Variants in NOS2 observed in about 807,000 individuals in gnomAD.
NOS2 encodes nitric oxide synthase, inducible.
In NOS2, 96 loss-of-function variants were observed where a neutral mutation model predicts 136.0. That is an observed-to-expected ratio of 0.71 (90% confidence interval 0.60 to 0.84). NOS2 has a LOEUF of 0.84. Ranked by LOEUF, NOS2 falls within the 40% of genes least tolerant of loss-of-function variation. The pLI is 0.00. For missense variants in NOS2, 1,237 were observed against 1,496.9 expected, an observed-to-expected ratio of 0.83 and a Z score of 2.87; for synonymous variants, 539 against 587.5, an observed-to-expected ratio of 0.92 and a Z score of 1.20.
chr17:27,775,730 G>A (rs1662311160), intron 11 of NOS2, among the ~76,000 whole-genome samples: 1 of 152,222 alleles, frequency 6.6e-6, no homozygotes, highest in Non-Finnish European at 1.5e-5. Context: ...GCTGCAGTGA[G>A]CCATGATTGG....
At chr17:27,777,811 G>A (rs558530693) in intron 11 of NOS2, among the ~76,000 whole-genome samples, 1 of 152,270 alleles carries the variant, frequency 6.6e-6, no homozygotes, top group South Asian at 2.1e-4. Flanking sequence ...TTGGGAGGCT[G>A]AGGCAAGCGG....
intron 2 of NOS2, among the ~76,000 whole-genome samples, chr17:27,795,364 G>A (rs1174355715): frequency 6.6e-6 from 1 of 152,168 alleles, no homozygotes; most frequent in Non-Finnish European, 1.5e-5. Context: ...GTAAAACAAG[G>A]ATAATAGTTC....
In NOS2 at chr17:27,761,309, CG is replaced by C. The variant is rs914873207; in HGVS notation, c.2801-79del. Reference sequence around the variant, plus strand: ...TGTACCAGCTGCTCCGCCCACACCACGGCCCTCCTTGGACGCCCCCACTCAG... The same window carrying C: ...TGTACCAGCTGCTCCGCCCACACCACGCCCTCCTTGGACGCCCCCACTCAG... On this transcript the variant is annotated intron_variant, in intron 22 of 26. Transcript: ENST00000313735. The C allele has an allele frequency of 3.9e-5, 41 of 1,041,478 alleles. No homozygotes were observed. In the African/African-American group the frequency reaches 1.4e-3, roughly 35 times the overall value. 64.5% of individuals were successfully genotyped at this position (1,041,478 alleles called of 1,614,324 possible).
intron 5 of NOS2, among the ~76,000 whole-genome samples, 157 bp downstream of exon 5, chr17:27,787,521 C>A (rs1909054628): frequency 6.6e-6 from 1 of 152,174 alleles, no homozygotes; most frequent in Non-Finnish European, 1.5e-5. Context: ...GTCTTCTCCC[C>A]TAGAAAACCG....
In NOS2 at chr17:27,782,047, G is replaced by A. The variant is rs201569440; in HGVS notation, c.690C>T (p.His230=). 37 of 1,614,038 alleles carry A rather than the reference G, an allele frequency of 2.3e-5. 1 individual carries two copies. The highest frequency in any genetic ancestry group is 1.5e-4 in the South Asian group (14 of 91,070). Residue 230 remains histidine (H), a synonymous_variant, in exon 7 of 27, where the codon CAC becomes CAT. Transcript: ENST00000313735. ...TGCCATTGTTGGTGGAGTAACGCAC[G>A]TGTCTGCAGATGTGTTCAAACATTT... The part of the protein sequence containing the change: ...AREMFEHICR[H]VRYSTNNGNI...
intron 2 of NOS2, among the ~76,000 whole-genome samples, chr17:27,795,443 G>A (rs1909326545): frequency 6.6e-6 from 1 of 152,216 alleles, no homozygotes; most frequent in Admixed American, 6.5e-5. Context: ...AGTGGTGTAT[G>A]TAAGTAATAA....
At position 27,774,281 on chromosome 17, in the gene NOS2, G is replaced by A. The variant is rs1360188723; in HGVS notation, c.1452C>T (p.Val484=). 2 of 1,533,048 alleles carry A rather than the reference G, an allele frequency of 1.3e-6. No individual in the cohort carries two copies. The highest frequency in any genetic ancestry group is 1.8e-6 in the Non-Finnish European group (2 of 1,141,624). 95.0% of individuals were successfully genotyped at this position (1,533,048 alleles called of 1,614,324 possible). ...CCTGATAGTAGTAGAAAGGGGACAG[G>A]ACGTAGTTCAGCATCTCCTGGTGAA... The part of the protein sequence containing the change: ...PVFHQEMLNY[V]LSPFYYYQVE... The change falls in exon 12 of 27, where the codon GTC becomes GTT. Residue 484 remains valine (V), a synonymous_variant. Transcript: ENST00000313735.
chr17:27,771,151 C>T (rs1250216093), intron 14 of NOS2, 134 bp from the exon 15 acceptor site: 9 of 650,226 alleles, frequency 1.4e-5, no homozygotes, highest in Non-Finnish European at 1.9e-5. Context: ...TCCCAGGGCC[C>T]GGCACAGGCG....
At chr17:27,792,663 C>T (rs1909227542) in intron 2 of NOS2, among the ~76,000 whole-genome samples, 1 of 151,868 alleles carries the variant, frequency 6.6e-6, no homozygotes, top group Non-Finnish European at 1.5e-5. Context: ...GTCCTGAGGA[C>T]CCTCAAGGAC....
chr17:27,784,314 G>A (rs1440301292), intron 5 of NOS2, among the ~76,000 whole-genome samples: 6 of 152,120 alleles, frequency 3.9e-5, no homozygotes, highest in Non-Finnish European at 7.4e-5. Context: ...AGAGTGTCTC[G>A]ACAACTTTTC....
intron 6 of NOS2, 39 bp from the exon 7 acceptor site, chr17:27,782,145 G>A (rs1345180713): frequency 1.3e-6 from 2 of 1,569,092 alleles, no homozygotes; most frequent in Admixed American, 1.7e-5. Flanking sequence ...TCAAAGACTG[G>A]GTAGACAGAG....
chr17:27,757,841 T>C (rs1032452834), intron 26 of NOS2, among the ~76,000 whole-genome samples: 3 of 152,206 alleles, frequency 2.0e-5, no homozygotes, highest in African/African-American at 7.2e-5. Context: ...AAATGCCTGT[T>C]ATCTCCTCAC....
intron 6 of NOS2, among the ~76,000 whole-genome samples, chr17:27,782,348 A>G (rs1353923390): frequency 6.6e-6 from 1 of 152,086 alleles, no homozygotes; most frequent in Non-Finnish European, 1.5e-5. Flanking sequence ...AGCACAGGCA[A>G]CCCCACTCAG....
At position 27,766,284 on chromosome 17, in the gene NOS2, A is replaced by G. The variant is rs568384978; in HGVS notation, c.2246+226T>C. Among the ~76,000 whole-genome samples the G allele has an allele frequency of 3.3e-5, 5 of 152,330 alleles. No individual in the cohort carries two copies. In the South Asian group the frequency reaches 1.0e-3, roughly 32 times the overall value. ...TGAGGAAGGAGAGGAAGTGGAGCAG[A>G]TGCTTAGAGTCCAAGCTGGAAAAGT... On this transcript the variant is annotated intron_variant, in intron 19 of 26. Coordinates refer to ENST00000313735, the MANE Select transcript of NOS2 (RefSeq NM_000625.4).
At chr17:27,789,536 G>A in intron 3 of NOS2, 68 bp downstream of exon 3, 1 of 1,236,046 alleles carries the variant, frequency 8.1e-7, no homozygotes, top group African/African-American at 1.5e-5. Context: ...AGCTCTAACA[G>A]GCTGCTATGT....
At chr17:27,776,370 CT>C (rs1908657920) in intron 11 of NOS2, among the ~76,000 whole-genome samples, 1 of 152,194 alleles carries the variant, frequency 6.6e-6, no homozygotes, top group African/African-American at 2.4e-5. Flanking sequence ...CAGATCAGTT[CT>C]AAGCTCAGTG....
At chr17:27,771,048 C>G in intron 14 of NOS2, 31 bp from the exon 15 acceptor site, 1 of 1,551,170 alleles carries the variant, frequency 6.4e-7, no homozygotes, top group African/African-American at 1.4e-5. Flanking sequence ...CATCAGCCCT[C>G]GGCTCCCAGT....
chr17:27,790,286 G>T (rs528793123), intron 2 of NOS2, among the ~76,000 whole-genome samples: 12 of 152,226 alleles, frequency 7.9e-5, no homozygotes, highest in Admixed American at 4.6e-4. Context: ...TAGAGATGGG[G>T]TTTCACCATG....
At chr17:27,781,535 C>A (rs1042519115) in intron 7 of NOS2, among the ~76,000 whole-genome samples, 1 of 152,200 alleles carries the variant, frequency 6.6e-6, no homozygotes, top group Non-Finnish European at 1.5e-5. Context: ...TCCTACCCCC[C>A]CATACCCCAT....
Sources: gnomAD v4.1 joint callset for allele counts (sites outside exome capture counted in the v4.1 genomes callset) on GRCh38, gnomAD v4.1.1 for gene constraint, MANE v1.5 for transcripts, NCBI Gene and HGNC (gene_info 2026-07-23, HGNC 2026-07-21) for gene names.